The following KCND2 variants were observed in gnomAD, a reference collection of about 807,000 sequenced individuals.
KCND2 encodes potassium voltage-gated channel subfamily D member 2, also known as A-type voltage-gated potassium channel KCND2.
In KCND2, 16 loss-of-function variants were observed where a neutral mutation model predicts 54.4. The ratio of observed to expected loss-of-function variants is 0.29; its 90% CI spans 0.20 to 0.45. The LOEUF (loss-of-function observed/expected upper bound fraction) is 0.45. Among genes scored for constraint, KCND2 ranks in the 20% least tolerant of loss-of-function variants. KCND2 has a pLI of 1.00. For synonymous variants in KCND2, 317 were observed against 310.7 expected (o/e 1.02, Z -0.21); for missense variants, 486 against 824.2 (o/e 0.59, Z 5.02).
chr7:120,306,883 C>T (rs1799656874), intron 1 of KCND2, among the ~76,000 whole-genome samples: 1 of 152,014 alleles, frequency 6.6e-6, no homozygotes, highest in Non-Finnish European at 1.5e-5. Flanking sequence ...GGACTATGGT[C>T]TGTCATACAG....
chr7:120,508,891 A>ATTTTT (rs57245091), intron 1 of KCND2, among the ~76,000 whole-genome samples: 4,262 of 138,182 alleles, frequency 0.031, 92 homozygotes, highest in Non-Finnish European at 0.039. Context: ...GCCTTTCACG[A>ATTTTT]TTTTTTTTTT....
At chr7:120,421,849 G>A (rs1337925801) in intron 1 of KCND2, among the ~76,000 whole-genome samples, 1 of 152,140 alleles carries the variant, frequency 6.6e-6, no homozygotes, top group African/African-American at 2.4e-5. Context: ...GATTAGCAAT[G>A]TTGGCCCACC....
intron 1 of KCND2, among the ~76,000 whole-genome samples, chr7:120,299,713 T>G (rs1377656218): frequency 6.6e-6 from 1 of 152,168 alleles, no homozygotes; most frequent in African/African-American, 2.4e-5. Context: ...ATATAACATC[T>G]GCGTTCCACA....
At chr7:120,478,925 G>A (rs143747388) in intron 1 of KCND2, among the ~76,000 whole-genome samples, 21 of 152,250 alleles carry the variant, frequency 1.4e-4, no homozygotes, top group African/African-American at 5.1e-4. Flanking sequence ...CCTTGATTAT[G>A]TATTTTTACA....
chr7:120,279,359 A>G (rs1490285794), intron 1 of KCND2, among the ~76,000 whole-genome samples: 1 of 151,970 alleles, frequency 6.6e-6, no homozygotes. Context: ...AGAAGGGATC[A>G]TATTACTCAT....
At chr7:120,560,705 A>G (rs1365550523) in intron 1 of KCND2, among the ~76,000 whole-genome samples, 1 of 152,192 alleles carries the variant, frequency 6.6e-6, no homozygotes, top group Non-Finnish European at 1.5e-5. Context: ...AGGCAGGGAA[A>G]CCAAGGTTAT....
intron 1 of KCND2, among the ~76,000 whole-genome samples, chr7:120,399,701 C>CTTATTTATTTAT (rs140548387): frequency 1.6e-3 from 243 of 148,422 alleles, no homozygotes; most frequent in Non-Finnish European, 2.9e-3. Flanking sequence ...TTATTTTTAC[C>CTTATTTATTTAT]TTATTTATTT....
chr7:120,711,840 TA>T (rs1792542038), intron 1 of KCND2, among the ~76,000 whole-genome samples: 5 of 152,194 alleles, frequency 3.3e-5, no homozygotes, highest in Admixed American at 2.6e-4. Context: ...TCCATATTTA[TA>T]GTTAGAATCA....
intron 1 of KCND2, among the ~76,000 whole-genome samples, chr7:120,307,824 C>A (rs1436343043): frequency 1.3e-5 from 2 of 152,060 alleles, no homozygotes; most frequent in Non-Finnish European, 2.9e-5. Context: ...TGGGCTATTT[C>A]ATTAACAAAT....
chr7:120,295,712 T>C (rs1799503306), intron 1 of KCND2, among the ~76,000 whole-genome samples: 1 of 152,102 alleles, frequency 6.6e-6, no homozygotes, highest in Non-Finnish European at 1.5e-5. Context: ...GTAATTCTAC[T>C]AAGATTTTTA....
At position 120,316,687 on chromosome 7, in the gene KCND2, GACTAA is replaced by G. The variant is rs369021165; in HGVS notation, c.1115+40946_1115+40950del. 3.9e-5 allele frequency among the ~76,000 whole-genome samples: 6 copies of G among 152,184 alleles called. No homozygotes were observed. The East Asian group carries it at 5.8e-4, about 15-fold the overall frequency. On this transcript the variant is annotated intron_variant, in intron 1 of 5. Coordinates refer to ENST00000331113, the MANE Select transcript of KCND2 (RefSeq NM_012281.3). Reference sequence around the variant, plus strand: ...ACTTATTCTGATTACGATGAAAAAAGACTAAACTAAGCCTTTAAAACAGGTGTACT... The same window carrying G: ...ACTTATTCTGATTACGATGAAAAAAGACTAAGCCTTTAAAACAGGTGTACT...
chr7:120,370,332 G>A (rs1021562862), intron 1 of KCND2, among the ~76,000 whole-genome samples: 15 of 151,984 alleles, frequency 9.9e-5, no homozygotes, highest in African/African-American at 3.1e-4. Context: ...ACAATTGGCT[G>A]ATGTTCTTAC....
intron 1 of KCND2, among the ~76,000 whole-genome samples, chr7:120,498,308 C>T (rs868760427): frequency 1.3e-5 from 2 of 151,944 alleles, no homozygotes; most frequent in Non-Finnish European, 2.9e-5. Context: ...GGTGAAACCC[C>T]GTGTCTACTA....
At chr7:120,718,177 G>A (rs1792626154) in intron 1 of KCND2, among the ~76,000 whole-genome samples, 2 of 152,156 alleles carry the variant, frequency 1.3e-5, no homozygotes, top group South Asian at 2.1e-4. Context: ...AAATCGAGAA[G>A]CATGAAATGT....
chr7:120,500,612 A>G lies in KCND2; in HGVS notation c.1115+224865A>G, dbSNP rs527397491. ...TCTAGGGTGAGTCAATGCAAAAAAGAAATGAACAAACCAACCAATCCAATA... is the reference window on the plus strand; with the variant it reads ...TCTAGGGTGAGTCAATGCAAAAAAGGAATGAACAAACCAACCAATCCAATA... On this transcript the variant is annotated intron_variant, in intron 1 of 5. Transcript: ENST00000331113. Among the ~76,000 whole-genome samples, 204 of 152,186 alleles carry G rather than the reference A, an allele frequency of 1.3e-3. 1 individual carries two copies. The highest frequency in any genetic ancestry group is 4.6e-3 in the African/African-American group (193 of 41,560).
intron 1 of KCND2, among the ~76,000 whole-genome samples, chr7:120,379,999 G>A (rs1229703361): frequency 1.3e-5 from 2 of 151,942 alleles, no homozygotes; most frequent in African/African-American, 2.4e-5. Flanking sequence ...TATAACCTAC[G>A]CTATCCTGAC....
At chr7:120,393,386 C>G (rs1801106321) in intron 1 of KCND2, among the ~76,000 whole-genome samples, 1 of 152,010 alleles carries the variant, frequency 6.6e-6, no homozygotes, top group South Asian at 2.1e-4. Context: ...AAACTCTTTA[C>G]TTTTAACTCT....
chr7:120,520,098 ATAAG>A (rs1472523813), intron 1 of KCND2, among the ~76,000 whole-genome samples: 6 of 152,110 alleles, frequency 3.9e-5, no homozygotes, highest in Admixed American at 6.6e-5. Context: ...TTTATGATAA[ATAAG>A]TAATACTAGC....
At chr7:120,318,937 G>A (rs1341785974) in intron 1 of KCND2, among the ~76,000 whole-genome samples, 2 of 151,906 alleles carry the variant, frequency 1.3e-5, no homozygotes, top group Non-Finnish European at 2.9e-5. Context: ...TAACCTTATG[G>A]TAAACTTCAA....
Sources: allele counts gnomAD v4.1 joint callset (sites outside exome capture counted in the v4.1 genomes callset), GRCh38; gene constraint gnomAD v4.1.1; transcripts MANE v1.5; gene names NCBI Gene and HGNC (gene_info 2026-07-23, HGNC 2026-07-21).